Variants in TMEM232 observed in about 807,000 individuals in gnomAD.
The protein encoded by TMEM232 is transmembrane protein 232.
In TMEM232, 80 loss-of-function variants were observed where a neutral mutation model predicts 78.8. The observed-to-expected ratio is 1.01, with a 90% CI of 0.85 to 1.22. The LOEUF is 1.22. TMEM232 is among the 50% of genes most tolerant of loss of function. The pLI, the probability that TMEM232 is intolerant of heterozygous loss-of-function variation, is 0.00. For missense variants in TMEM232, 881 were observed against 742.2 expected (o/e 1.19, Z -2.17); for synonymous variants, 297 against 254.3 (o/e 1.17, Z -1.60).
At chr5:110,712,235 A>C (rs1424561326) in intron 1 of TMEM232, among the ~76,000 whole-genome samples, 5 of 152,084 alleles carry the variant, frequency 3.3e-5, no homozygotes, top group Non-Finnish European at 5.9e-5. Flanking sequence ...CAACCAAAGC[A>C]AAAGTAGACA....
downstream of TMEM232, among the ~76,000 whole-genome samples, chr5:110,416,182 A>G (rs548917036): frequency 1.9e-4 from 29 of 152,358 alleles, no homozygotes; most frequent in South Asian, 6.0e-3. Context: ...GTCAAATTTA[A>G]TAACTAGAAT....
chr5:110,643,622 G>T (rs1451759939), intron 2 of TMEM232, among the ~76,000 whole-genome samples: 1 of 151,982 alleles, frequency 6.6e-6, no homozygotes, highest in East Asian at 1.9e-4. Flanking sequence ...ATTATTGTTG[G>T]AGTCATGCTA....
intron 7 of TMEM232, among the ~76,000 whole-genome samples, chr5:110,620,607 CT>C (rs1274660304): frequency 7.3e-6 from 1 of 137,862 alleles, no homozygotes; most frequent in African/African-American, 2.9e-5. Context: ...CTCTCTCTCT[CT>C]CTCTCTCTCT....
chr5:110,476,565 A>G (rs1763276865), intron 12 of TMEM232, among the ~76,000 whole-genome samples: 1 of 152,074 alleles, frequency 6.6e-6, no homozygotes, highest in African/African-American at 2.4e-5. Context: ...TTCATAATAA[A>G]ATTCCAAAAA....
intron 10 of TMEM232, among the ~76,000 whole-genome samples, chr5:110,586,752 C>T (rs60849871): frequency 0.14 from 20,578 of 152,052 alleles, 1,726 homozygotes; most frequent in African/African-American, 0.23. Context: ...AAGACTTTCA[C>T]ATCCTATTGG....
chr5:110,670,009 A>T (rs1425111649), intron 1 of TMEM232, among the ~76,000 whole-genome samples: 3 of 152,152 alleles, frequency 2.0e-5, no homozygotes, highest in Non-Finnish European at 4.4e-5. Context: ...TCTATGACAA[A>T]CCCACAGCCA....
At chr5:110,556,881 C>T (rs1412412785) in intron 11 of TMEM232, among the ~76,000 whole-genome samples, 1 of 152,112 alleles carries the variant, frequency 6.6e-6, no homozygotes, top group African/African-American at 2.4e-5. Flanking sequence ...TCTTGTATAG[C>T]ATCTCACATA....
At chr5:110,663,931 G>C (rs1412336773) in intron 2 of TMEM232, among the ~76,000 whole-genome samples, 1 of 152,058 alleles carries the variant, frequency 6.6e-6, no homozygotes, top group Admixed American at 6.6e-5. Context: ...TTGAGGTCGA[G>C]AATTTGAAAC....
intron 10 of TMEM232, among the ~76,000 whole-genome samples, chr5:110,571,619 A>C (rs1484419555): frequency 6.6e-6 from 1 of 151,818 alleles, no homozygotes; most frequent in Non-Finnish European, 1.5e-5. Context: ...AGGCCAGGAG[A>C]TCAAGACTAG....
chr5:110,417,351 C>G (rs958220744), downstream of TMEM232, among the ~76,000 whole-genome samples: 1 of 152,136 alleles, frequency 6.6e-6, no homozygotes, highest in African/African-American at 2.4e-5. Flanking sequence ...GGGAAAACAA[C>G]TAAGGCTGAG....
chr5:110,655,218 AAAC>A (rs1788868483), intron 2 of TMEM232, among the ~76,000 whole-genome samples: 1 of 152,108 alleles, frequency 6.6e-6, no homozygotes, highest in Admixed American at 6.6e-5. Flanking sequence ...GAAAAAAAAC[AAAC>A]AACCCCATCA....
chr5:110,681,384 C>G (rs530480913), intron 1 of TMEM232, among the ~76,000 whole-genome samples: 2 of 152,184 alleles, frequency 1.3e-5, no homozygotes, highest in African/African-American at 2.4e-5. Context: ...CTTCTGGATC[C>G]CTCTTCCCTA....
chr5:110,652,294 G>GCGTGCACACACACACA (rs1554069154), intron 2 of TMEM232, among the ~76,000 whole-genome samples: 1 of 145,360 alleles, frequency 6.9e-6, no homozygotes, highest in African/African-American at 2.6e-5. Flanking sequence ...GCACGCGCGC[G>GCGTGCACACACACACA]CACACACACA....
chr5:110,489,717 G>C (rs1277509342), intron 12 of TMEM232, among the ~76,000 whole-genome samples: 1 of 152,030 alleles, frequency 6.6e-6, no homozygotes, highest in African/African-American at 2.4e-5. Flanking sequence ...AACTATTTTT[G>C]TTTGCAGATG....
chr5:110,665,051 A>G (rs891759175), intron 2 of TMEM232, among the ~76,000 whole-genome samples: 3 of 152,192 alleles, frequency 2.0e-5, no homozygotes, highest in African/African-American at 7.2e-5. Context: ...GGACTTCAAC[A>G]TATGAATTTT....
chr5:110,428,899 G>A (rs1371427411), intron 12 of TMEM232, among the ~76,000 whole-genome samples: 3 of 151,784 alleles, frequency 2.0e-5, no homozygotes, highest in East Asian at 3.9e-4. Context: ...AACAAACCTG[G>A]TACAGATGAC....
At chr5:110,546,424 T>G (rs772023659) in intron 11 of TMEM232, among the ~76,000 whole-genome samples, 8 of 152,104 alleles carry the variant, frequency 5.3e-5, no homozygotes, top group Non-Finnish European at 8.8e-5. Context: ...AATTTCTACT[T>G]AATTCCATAA....
At chr5:110,414,708 GT>G (rs1282278337), downstream of TMEM232, among the ~76,000 whole-genome samples, 4 of 152,082 alleles carry the variant, frequency 2.6e-5, no homozygotes, top group Non-Finnish European at 5.9e-5. Context: ...AGCTGTTTTG[GT>G]TTTTATATTC....
intron 5 of TMEM232, among the ~76,000 whole-genome samples, chr5:110,636,848 C>A (rs1785908442): frequency 6.6e-6 from 1 of 152,030 alleles, no homozygotes; most frequent in African/African-American, 2.4e-5. Flanking sequence ...GTGTTTGCAG[C>A]TGCTATCAGA....
Sources: allele counts gnomAD v4.1 joint callset (sites outside exome capture counted in the v4.1 genomes callset), GRCh38; gene constraint gnomAD v4.1.1; transcripts MANE v1.5; gene names NCBI Gene and HGNC (gene_info 2026-07-23, HGNC 2026-07-21).